The following DLG2 variants were observed in gnomAD, a reference collection of about 807,000 sequenced individuals.
The protein encoded by DLG2 is discs large MAGUK scaffold protein 2, also known as disks large homolog 2.
Under a neutral mutation model 132.5 loss-of-function variants are expected in DLG2, and 45 were observed. That is an observed-to-expected ratio of 0.34 (90% confidence interval 0.27 to 0.44). The LOEUF is 0.44. Ranked by LOEUF, DLG2 falls within the 20% of genes least tolerant of loss-of-function variation. The probability of loss-of-function intolerance (pLI) is 1.00; values close to 1 mark genes in which losing one functional copy is unlikely to be tolerated. For synonymous variants in DLG2, 424 were observed against 419.6 expected (o/e 1.01, Z -0.13); for missense variants, 1,045 against 1,196.9 (o/e 0.87, Z 1.87).
chr11:85,178,778 T>A (rs890076463), intron 4 of DLG2, among the ~76,000 whole-genome samples: 2 of 151,494 alleles, frequency 1.3e-5, no homozygotes, highest in African/African-American at 2.4e-5. Flanking sequence ...TGCAGAAAAA[T>A]TGGAAGATAG....
intron 6 of DLG2, among the ~76,000 whole-genome samples, chr11:84,573,522 G>T (rs1364826995): frequency 6.6e-6 from 1 of 152,086 alleles, no homozygotes; most frequent in Non-Finnish European, 1.5e-5. Flanking sequence ...TAGGCTGACA[G>T]ATCCTGAATG....
intron 9 of DLG2, among the ~76,000 whole-genome samples, chr11:84,125,378 G>A (rs753586219): frequency 4.7e-4 from 72 of 152,298 alleles, no homozygotes; most frequent in Non-Finnish European, 8.1e-4. Context: ...TTCCGATGGT[G>A]CTTCAAAGGC....
chr11:84,595,663 A>C (rs1463740757), intron 6 of DLG2, among the ~76,000 whole-genome samples: 2 of 152,174 alleles, frequency 1.3e-5, no homozygotes, highest in African/African-American at 4.8e-5. Flanking sequence ...ATAGGTTATT[A>C]CTGTTTCATT....
At chr11:83,742,645 G>C (rs555219539) in intron 18 of DLG2, among the ~76,000 whole-genome samples, 1 of 152,092 alleles carries the variant, frequency 6.6e-6, no homozygotes, top group African/African-American at 2.4e-5. Context: ...TTAACAGTAT[G>C]TACTTACTTT....
intron 6 of DLG2, among the ~76,000 whole-genome samples, chr11:85,019,349 G>T (rs1380852633): frequency 1.3e-5 from 2 of 152,160 alleles, no homozygotes; most frequent in South Asian, 2.1e-4. Context: ...AAGGATAGGG[G>T]AACACTGAGC....
chr11:84,075,580 T>C (rs2096819254), intron 10 of DLG2, among the ~76,000 whole-genome samples: 1 of 152,228 alleles, frequency 6.6e-6, no homozygotes, highest in Non-Finnish European at 1.5e-5. Context: ...CTTAAATTTA[T>C]ACCTATAATT....
At chr11:84,900,295 TAAATA>T (rs1295868272) in intron 6 of DLG2, among the ~76,000 whole-genome samples, 4 of 152,052 alleles carry the variant, frequency 2.6e-5, no homozygotes, top group Non-Finnish European at 5.9e-5. Context: ...AAACCTAACT[TAAATA>T]AAACAGCTCT....
intron 4 of DLG2, among the ~76,000 whole-genome samples, chr11:85,276,169 C>T (rs1309092615): frequency 6.6e-6 from 1 of 152,110 alleles, no homozygotes; most frequent in African/African-American, 2.4e-5. Flanking sequence ...AAATCTTACT[C>T]TCTCACCATA....
chr11:83,799,423 A>T (rs1303675389), intron 17 of DLG2, among the ~76,000 whole-genome samples: 2 of 152,242 alleles, frequency 1.3e-5, no homozygotes, highest in Non-Finnish European at 2.9e-5. Flanking sequence ...GAAGTATCCC[A>T]GTAGATAATC....
At chr11:84,033,188 T>C (rs2095756997) in intron 11 of DLG2, among the ~76,000 whole-genome samples, 1 of 152,196 alleles carries the variant, frequency 6.6e-6, no homozygotes, top group African/African-American at 2.4e-5. Flanking sequence ...CTGCCATAAA[T>C]TGTGATTCCT....
At chr11:84,683,952 AC>A in intron 6 of DLG2, among the ~76,000 whole-genome samples, 2 of 152,318 alleles carry the variant, frequency 1.3e-5, no homozygotes, top group Middle Eastern at 6.8e-3. Flanking sequence ...AAAATCAGGA[AC>A]AAAGCATCTT....
chr11:83,682,224 C>T (rs1255682042), intron 18 of DLG2: 11 of 985,370 alleles, frequency 1.1e-5, no homozygotes, highest in Non-Finnish European at 1.3e-5. Flanking sequence ...TTCTCCGTCT[C>T]CTTGGTGCCA....
intron 6 of DLG2, among the ~76,000 whole-genome samples, chr11:84,594,199 C>A (rs372129341): frequency 6.6e-6 from 1 of 152,092 alleles, no homozygotes; most frequent in Non-Finnish European, 1.5e-5. Flanking sequence ...CTGTAACAAG[C>A]AATGATCTGA....
intron 6 of DLG2, among the ~76,000 whole-genome samples, chr11:84,559,606 G>A (rs2099419240): frequency 6.6e-6 from 1 of 152,036 alleles, no homozygotes; most frequent in South Asian, 2.1e-4. Flanking sequence ...AGAGCTACGA[G>A]AATCTCAGAG....
At chr11:84,175,662 T>C (rs887683088) in intron 8 of DLG2, among the ~76,000 whole-genome samples, 1 of 152,150 alleles carries the variant, frequency 6.6e-6, no homozygotes, top group Non-Finnish European at 1.5e-5. Context: ...CTATCTCATA[T>C]AATCTCTTTT....
rs2099539784 is a variant in DLG2 at position 84,590,355 on chromosome 11, A to C, written c.358-55624T>G. Among the ~76,000 whole-genome samples the C allele has an allele frequency of 2.0e-5, 3 of 152,312 alleles. No individual in the cohort carries two copies. The South Asian group carries it at 6.2e-4, about 32-fold the overall frequency. On this transcript the variant is annotated intron_variant, in intron 6 of 27. Coordinates refer to ENST00000376104, the MANE Select transcript of DLG2 (RefSeq NM_001142699.3). ...AGCACATTTCTTTCTTAGTGTTCTT[A>C]AACTGTTGGCTATGCTTGGCACGTT...
At chr11:84,830,617 G>A (rs900358267) in intron 6 of DLG2, among the ~76,000 whole-genome samples, 2 of 151,468 alleles carry the variant, frequency 1.3e-5, no homozygotes, top group Non-Finnish European at 3.0e-5. Flanking sequence ...CATACTTGTA[G>A]CATTAAACTG....
intron 3 of DLG2, among the ~76,000 whole-genome samples, chr11:85,488,342 T>C (rs2093477775): frequency 6.6e-6 from 1 of 151,202 alleles, no homozygotes; most frequent in Admixed American, 6.6e-5. Flanking sequence ...TGAGCCGAGA[T>C]CGCACCACTG....
At chr11:85,546,598 G>A (rs1598420966) in intron 3 of DLG2, among the ~76,000 whole-genome samples, 2 of 152,112 alleles carry the variant, frequency 1.3e-5, no homozygotes, top group East Asian at 3.9e-4. Flanking sequence ...GGGTGTTAAA[G>A]TCTCCCATTA....
Sources: allele counts gnomAD v4.1 joint callset (sites outside exome capture counted in the v4.1 genomes callset), GRCh38; gene constraint gnomAD v4.1.1; transcripts MANE v1.5; gene names NCBI Gene and HGNC (gene_info 2026-07-23, HGNC 2026-07-21).